Variants in WDR7 observed in about 807,000 individuals in gnomAD.
WDR7 encodes the protein WD repeat-containing protein 7.
A neutral mutation model predicts 169.4 loss-of-function variants in WDR7; 46 were observed. The observed-to-expected ratio is 0.27, with a 90% CI of 0.21 to 0.35. WDR7 has a LOEUF of 0.35. Among genes scored for constraint, WDR7 ranks in the 10% least tolerant of loss-of-function variants. The probability of loss-of-function intolerance (pLI) is 1.00; values close to 1 mark genes in which losing one functional copy is unlikely to be tolerated. For synonymous variants in WDR7, 612 were observed against 666.8 expected (o/e 0.92, Z 1.27); for missense variants, 1,534 against 1,859.3 (o/e 0.83, Z 3.22).
At chr18:56,764,067 A>AT (rs2044024433) in intron 16 of WDR7, among the ~76,000 whole-genome samples, 2 of 126,704 alleles carry the variant, frequency 1.6e-5, no homozygotes, top group South Asian at 5.0e-4. Context: ...ATTATTATTT[A>AT]TTTTTTCTAT....
intron 20 of WDR7, among the ~76,000 whole-genome samples, chr18:56,870,472 A>G (rs1018667108): frequency 4.1e-4 from 62 of 152,200 alleles, no homozygotes. Flanking sequence ...TTGCTTAGGT[A>G]TCATGTCTTG....
chr18:57,011,206 C>T (rs1180576387), intron 26 of WDR7, among the ~76,000 whole-genome samples: 2 of 152,110 alleles, frequency 1.3e-5, no homozygotes, highest in Non-Finnish European at 2.9e-5. Context: ...ATATAACCCC[C>T]CCACAGAAGA....
chr18:56,807,846 CTT>C (rs1271677018), intron 19 of WDR7, among the ~76,000 whole-genome samples: 1 of 152,040 alleles, frequency 6.6e-6, no homozygotes, highest in Non-Finnish European at 1.5e-5. Context: ...AATAAACTAA[CTT>C]TATTGTTTTT....
At chr18:56,917,697 C>T (rs141800696) in intron 21 of WDR7, among the ~76,000 whole-genome samples, 1 of 152,264 alleles carries the variant, frequency 6.6e-6, no homozygotes, top group African/African-American at 2.4e-5. Context: ...CAACAAGTTA[C>T]CCATAGTATA....
chr18:56,704,015 C>T (rs1014365680), intron 12 of WDR7, among the ~76,000 whole-genome samples: 32 of 152,110 alleles, frequency 2.1e-4, no homozygotes, highest in Admixed American at 1.8e-3. Context: ...ATTTTACTAC[C>T]GTAATCCTTC....
intron 19 of WDR7, among the ~76,000 whole-genome samples, chr18:56,791,478 C>G (rs2044484669): frequency 6.6e-6 from 1 of 152,058 alleles, no homozygotes; most frequent in South Asian, 2.1e-4. Context: ...CAGGTGGCTA[C>G]TATGTCTTAG....
chr18:56,659,853 A>G (rs1246264398), intron 1 of WDR7, among the ~76,000 whole-genome samples: 2 of 152,056 alleles, frequency 1.3e-5, no homozygotes, highest in African/African-American at 4.8e-5. Context: ...TGATCACAGC[A>G]TGATTTTTTT....
intron 20 of WDR7, among the ~76,000 whole-genome samples, chr18:56,875,601 C>A (rs142396297): frequency 8.6e-4 from 131 of 152,258 alleles, no homozygotes; most frequent in African/African-American, 3.1e-3. Context: ...TTATAGAGTT[C>A]CAGCCAACTT....
At chr18:56,656,177 A>G (rs1477653312) in intron 1 of WDR7, among the ~76,000 whole-genome samples, 1 of 151,876 alleles carries the variant, frequency 6.6e-6, no homozygotes, top group Non-Finnish European at 1.5e-5. Context: ...TAACTCCCAA[A>G]GTGTTTTCTG....
chr18:56,831,357 T>C (rs185036976), intron 20 of WDR7, among the ~76,000 whole-genome samples: 4 of 152,190 alleles, frequency 2.6e-5, no homozygotes, highest in Non-Finnish European at 5.9e-5. Flanking sequence ...TTTACTCATA[T>C]TCAGGGGACT....
chr18:56,690,585 TGGGA>T (rs1411687197), intron 7 of WDR7, among the ~76,000 whole-genome samples: 1 of 151,878 alleles, frequency 6.6e-6, no homozygotes, highest in Non-Finnish European at 1.5e-5. Context: ...GAGGCCAGGG[TGGGA>T]GGATCACTTG....
intron 13 of WDR7, 75 bp downstream of exon 13, chr18:56,718,234 T>C (rs2026235915): frequency 7.3e-7 from 1 of 1,364,142 alleles, no homozygotes; most frequent in Non-Finnish European, 9.7e-7. Context: ...AAAATGTCTT[T>C]TATATGAAGA....
chr18:57,008,447 C>G (rs1460577173), intron 26 of WDR7, among the ~76,000 whole-genome samples: 1 of 152,194 alleles, frequency 6.6e-6, no homozygotes, highest in Non-Finnish European at 1.5e-5. Flanking sequence ...CCATAGCTGC[C>G]TTTCTGCCTC....
At chr18:56,711,826 C>T (rs1188505337) in intron 12 of WDR7, among the ~76,000 whole-genome samples, 1 of 151,776 alleles carries the variant, frequency 6.6e-6, no homozygotes, top group Non-Finnish European at 1.5e-5. Context: ...GAATATTTAA[C>T]GTGATAAATG....
chr18:56,677,885 T>G (rs531524347), intron 2 of WDR7, among the ~76,000 whole-genome samples: 1 of 152,298 alleles, frequency 6.6e-6, no homozygotes, highest in South Asian at 2.1e-4. Flanking sequence ...TTATGACCAG[T>G]AACTCATATA....
intron 21 of WDR7, among the ~76,000 whole-genome samples, chr18:56,895,767 G>A (rs192410911): frequency 3.3e-3 from 498 of 151,620 alleles, no homozygotes; most frequent in Non-Finnish European, 5.2e-3. Context: ...TACTACCGAG[G>A]GAACTAAAAT....
rs538174921 is a variant in WDR7, at chr18:56,694,976, T to C, written c.1135T>C (p.Leu379=). The part of the protein sequence containing the change: ...EGLAMTTSIS[L]QEAFDKLNPC... ...GCTGGCAATGACAACTTCTATTAGTTTGCAAGAGGCATTTGATAAACTGAA... is the reference window on the plus strand; with the variant it reads ...GCTGGCAATGACAACTTCTATTAGTCTGCAAGAGGCATTTGATAAACTGAA... Residue 379 remains leucine (L), a synonymous_variant, in exon 11 of 28, where the codon TTG becomes CTG. Coordinates refer to ENST00000254442, the MANE Select transcript of WDR7 (RefSeq NM_015285.3). 4 of 1,614,160 alleles carry C rather than the reference T, an allele frequency of 2.5e-6. No individual in the cohort carries two copies. The highest frequency in any genetic ancestry group is 2.2e-5 in the East Asian group (1 of 44,886).
intron 20 of WDR7, among the ~76,000 whole-genome samples, chr18:56,856,947 C>G (rs1343485857): frequency 3.3e-5 from 5 of 152,078 alleles, no homozygotes; most frequent in Non-Finnish European, 7.4e-5. Context: ...ATTGTTTTCC[C>G]TAAAAGGAGA....
intron 12 of WDR7, among the ~76,000 whole-genome samples, chr18:56,716,197 T>C (rs1271062167): frequency 1.3e-5 from 2 of 152,180 alleles, no homozygotes; most frequent in Non-Finnish European, 2.9e-5. Context: ...TTAATGTCTT[T>C]TGCTAAGACA....
Sources: allele counts gnomAD v4.1 joint callset (sites outside exome capture counted in the v4.1 genomes callset), GRCh38; gene constraint gnomAD v4.1.1; transcripts MANE v1.5; gene names NCBI Gene and HGNC (gene_info 2026-07-23, HGNC 2026-07-21).